Variants in BBS4 observed in about 807,000 individuals in gnomAD.
The protein encoded by BBS4 is BBSome complex member BBS4.
In BBS4, 58 loss-of-function variants were observed where a neutral mutation model predicts 71.4. That is an observed-to-expected ratio of 0.81 (90% CI 0.66 to 1.01). The LOEUF is 1.01. BBS4 is among the 50% of genes least tolerant of loss of function. The pLI is 0.00. For synonymous variants in BBS4, 228 were observed against 216.8 expected (o/e 1.05, Z -0.46); for missense variants, 660 against 607.9 (o/e 1.09, Z -0.90).
chr15:72,732,532 A>G (rs1567430887), intron 12 of BBS4, among the ~76,000 whole-genome samples: 1 of 152,196 alleles, frequency 6.6e-6, no homozygotes, highest in Admixed American at 6.5e-5. Flanking sequence ...GTCGTCTTCC[A>G]GTGGCTTTTT....
At position 72,729,663 on chromosome 15, in the gene BBS4, T is replaced by G. The variant is rs1258729183; in HGVS notation, c.690T>G (p.Thr230=). The G allele has an allele frequency of 6.2e-7, 1 of 1,614,008 alleles. No homozygotes were observed. Among genetic ancestry groups the G allele is most frequent in the African/African-American group, 1.3e-5 (1 of 74,908 alleles). ...TTGAACATCTTGGCAATGCACTGAC[T>G]TATGACCCTACCAACTACAAGGTAT... The part of the protein sequence containing the change: ...KAFEHLGNAL[T]YDPTNYKAIL... Residue 230 remains threonine (T), a synonymous_variant, in exon 10 of 16, where the codon ACT becomes ACG. Coordinates refer to ENST00000268057, the MANE Select transcript of BBS4 (RefSeq NM_033028.5).
chr15:72,699,112 C>T (rs2065127560), intron 2 of BBS4, among the ~76,000 whole-genome samples: 1 of 152,038 alleles, frequency 6.6e-6, no homozygotes, highest in African/African-American at 2.4e-5. Context: ...GCTTTTGCTC[C>T]ACCGCTCCAC....
chr15:72,689,780 T>TTTTATTTATTTATTTATTTA (rs57141334), intron 1 of BBS4, among the ~76,000 whole-genome samples: 4 of 147,654 alleles, frequency 2.7e-5, no homozygotes, highest in East Asian at 4.0e-4. Context: ...TTATAAATCT[T>TTTTATTTATTTATTTATTTA]TTTATTTATT....
intron 9 of BBS4, 30 bp from the exon 10 acceptor site, chr15:72,729,586 G>A (rs1479519719): frequency 6.2e-6 from 10 of 1,610,772 alleles, no homozygotes. Flanking sequence ...CCTTGCTGAT[G>A]TAAATTGTCT....
chr15:72,735,674 A>T, intron 13 of BBS4, 151 bp from the exon 14 acceptor site: 1 of 963,084 alleles, frequency 1.0e-6, no homozygotes, highest in Non-Finnish European at 1.6e-6. Context: ...TCTTCTCCAC[A>T]GGTCTGCTTA....
chr15:72,704,850 G>A (rs1162079741), intron 2 of BBS4, among the ~76,000 whole-genome samples: 1 of 147,548 alleles, frequency 6.8e-6, no homozygotes, highest in Non-Finnish European at 1.5e-5. Context: ...ACTGCACTCC[G>A]GCCTTTATGA....
intron 4 of BBS4, among the ~76,000 whole-genome samples, chr15:72,714,413 A>G (rs1223379926): frequency 6.6e-6 from 1 of 151,812 alleles, no homozygotes; most frequent in Non-Finnish European, 1.5e-5. Context: ...TTTAGTAGAG[A>G]CAAGGTTTTG....
intron 6 of BBS4, chr15:72,717,169 T>C (rs2065481315): frequency 3.2e-6 from 1 of 315,790 alleles, no homozygotes; most frequent in Non-Finnish European, 5.9e-6. Flanking sequence ...TCTAGTTGTG[T>C]TTCATGTCTT....
chr15:72,699,545 A>G (rs142262344), intron 2 of BBS4, among the ~76,000 whole-genome samples: 188 of 152,342 alleles, frequency 1.2e-3, no homozygotes, highest in African/African-American at 4.4e-3. Flanking sequence ...TCATGTACAT[A>G]TTTATATTCC....
At position 72,731,567 on chromosome 15, in the gene BBS4, C is replaced by G. The variant is rs1429221874; in HGVS notation, c.877C>G (p.Leu293Val). 1 of 1,614,208 alleles carries G rather than the reference C, an allele frequency of 6.2e-7. No individual in the cohort carries two copies. The highest frequency in any genetic ancestry group is 1.3e-5 in the African/African-American group (1 of 75,050). The change falls in exon 12 of 16, where the codon CTG (leucine) becomes GTG (valine). Residue 293 changes from leucine (L) to valine (V), a missense_variant. Physicochemically the swap from Leu to Val is conservative, Grantham distance 32. Coordinates refer to ENST00000268057, the MANE Select transcript of BBS4 (RefSeq NM_033028.5). ...TTCTCTCTCATAGGCCATCAGCTGC[C>G]TGAAACGAGCCAACTACTTGGCACC... is the stretch of plus-strand genomic sequence containing the variant. ...KKKYVAAISC[L>V]KRANYLAPFD...
intron 12 of BBS4, 148 bp from the exon 13 acceptor site, chr15:72,734,965 G>A: frequency 2.9e-6 from 2 of 678,768 alleles, no homozygotes; most frequent in Non-Finnish European, 5.4e-6. Flanking sequence ...TAGAAGAGAT[G>A]GTTGAAGATA....
intron 9 of BBS4, among the ~76,000 whole-genome samples, chr15:72,729,244 A>G (rs73448720): frequency 1.8e-5 from 1 of 56,860 alleles, no homozygotes; most frequent in African/African-American, 7.0e-5. Flanking sequence ...GGTTGGCCAG[A>G]CTGTTTTTTT....
intron 7 of BBS4, among the ~76,000 whole-genome samples, chr15:72,723,733 C>T (rs1460868231): frequency 6.6e-6 from 1 of 152,004 alleles, no homozygotes; most frequent in Non-Finnish European, 1.5e-5. Flanking sequence ...TTTAGTGGGC[C>T]CCTTAGGTTT....
chr15:72,736,965 TAGG>T lies in BBS4; in HGVS notation c.1450+4_1450+6del, dbSNP rs1455398455. The T allele has an allele frequency of 6.2e-7, 1 of 1,613,864 alleles. No homozygotes were observed. Among genetic ancestry groups the T allele is most frequent in the Admixed American group, 1.7e-5 (1 of 60,008 alleles). On this transcript the variant is annotated splice_donor_5th_base_variant and intron_variant, in intron 15 of 15. Coordinates refer to ENST00000268057, the MANE Select transcript of BBS4 (RefSeq NM_033028.5). ...CTGCATACAGGACGCTCCCCTCAGG[TAGG>T]ACCATACAGAGCTCCATGAAGACCT... is the stretch of plus-strand genomic sequence containing the variant.
intron 1 of BBS4, 123 bp from the exon 2 acceptor site, chr15:72,695,054 A>G (rs2065051297): frequency 2.9e-6 from 2 of 697,210 alleles, no homozygotes; most frequent in East Asian, 2.7e-5. Flanking sequence ...CTATCACAAT[A>G]TGGATTTAAT....
At chr15:72,713,343 A>ACACACACACACACG (rs894529410) in intron 4 of BBS4, among the ~76,000 whole-genome samples, 1 of 118,788 alleles carries the variant, frequency 8.4e-6, no homozygotes, top group African/African-American at 2.6e-5. Context: ...ACACACACAC[A>ACACACACACACACG]CACACACGCA....
At chr15:72,704,407 A>G (rs1172076730) in intron 2 of BBS4, 1 of 1,279,578 alleles carries the variant, frequency 7.8e-7, no homozygotes, top group Non-Finnish European at 1.0e-6. Flanking sequence ...TATAAGAACC[A>G]GTATCTCCAT....
At chr15:72,688,234 G>A (rs1240146375) in intron 1 of BBS4, among the ~76,000 whole-genome samples, 1 of 151,704 alleles carries the variant, frequency 6.6e-6, no homozygotes. Flanking sequence ...GTCTAATACT[G>A]TTTTAAAGAG....
intron 12 of BBS4, among the ~76,000 whole-genome samples, chr15:72,732,531 C>T (rs1272101388): frequency 6.6e-6 from 1 of 152,108 alleles, no homozygotes; most frequent in African/African-American, 2.4e-5. Flanking sequence ...AGTCGTCTTC[C>T]AGTGGCTTTT....
Sources: gnomAD v4.1 joint callset for allele counts (sites outside exome capture counted in the v4.1 genomes callset) on GRCh38, gnomAD v4.1.1 for gene constraint, MANE v1.5 for transcripts, NCBI Gene and HGNC (gene_info 2026-07-23, HGNC 2026-07-21) for gene names.